Variants in HLA-DQB1 observed in about 807,000 individuals in gnomAD.
The protein encoded by HLA-DQB1 is HLA class II histocompatibility antigen, DQ beta 1 chain.
Under a neutral mutation model 26.4 loss-of-function variants are expected in HLA-DQB1, and 13 were observed. The ratio of observed to expected loss-of-function variants is 0.49; its 90% CI spans 0.32 to 0.78. HLA-DQB1 has a LOEUF of 0.78. HLA-DQB1 is among the 30% of genes least tolerant of loss of function. The pLI, the probability that HLA-DQB1 is intolerant of heterozygous loss-of-function variation, is 0.03. For synonymous variants in HLA-DQB1, 60 were observed against 129.1 expected (o/e 0.46, Z 3.63); for missense variants, 158 against 326.2 (o/e 0.48, Z 3.97).
chr6:32,660,529 G>C (rs9273499), intron 4 of HLA-DQB1: 10,584 of 319,150 alleles, frequency 0.033, 1,684 homozygotes, highest in East Asian at 0.22. Context: ...ATCTCTTCCC[G>C]ACCACTAGCA....
intron 1 of HLA-DQB1, among the ~76,000 whole-genome samples, chr6:32,665,985 G>T (rs281861273): frequency 7.6e-6 from 1 of 131,188 alleles, no homozygotes; most frequent in Non-Finnish European, 1.7e-5. Context: ...CCCTCTCTGT[G>T]GTCAGCCAGT....
At chr6:32,665,242 T>C (rs9274422) in intron 1 of HLA-DQB1, among the ~76,000 whole-genome samples, 175 bp from the exon 2 acceptor site, 85,729 of 115,574 alleles carry the variant, frequency 0.74, 34,253 homozygotes, top group East Asian at 0.9. Context: ...TCTGCCCGCC[T>C]TCTTTGCGGG....
At chr6:32,665,472 A>C (rs116485144) in intron 1 of HLA-DQB1, among the ~76,000 whole-genome samples, 27,729 of 117,576 alleles carry the variant, frequency 0.24, 4,673 homozygotes, top group South Asian at 0.28. Flanking sequence ...CGGAATGACG[A>C]GATAGGTCCA....
At chr6:32,663,415 G>GAAAGTATCAATTTGTCC (rs9282143) in intron 2 of HLA-DQB1, 1 of 126,710 alleles carries the variant, frequency 7.9e-6, no homozygotes, top group Non-Finnish European at 1.7e-5. Context: ...TTTCAATGCC[G>GAAAGTATCAATTTGTCC]CATTAACACA....
chr6:32,665,017 C>G, exon 2 of HLA-DQB1: 1 of 1,396,848 alleles, frequency 7.2e-7, no homozygotes. Context: ...CGCACGCGCT[C>G]CGTCCCGTTG....
intron 3 of HLA-DQB1, 166 bp from the exon 4 acceptor site, chr6:32,661,623 A>G (rs28724245): frequency 0.012 from 4,916 of 404,796 alleles, 93 homozygotes; most frequent in Middle Eastern, 0.019. Context: ...AGGTCCTTGG[A>G]TACAGTGAAT....
chr6:32,660,922 A>G (rs9273530), intron 4 of HLA-DQB1: 282,152 of 1,395,670 alleles, frequency 0.2, 31,529 homozygotes, highest in South Asian at 0.24. Context: ...CTCATTACAC[A>G]AACAGCCACT....
Position 32,661,137 on chromosome 6 carries a change from A to G in HLA-DQB1, c.772+210T>C, listed in dbSNP as rs35702610. Among the ~76,000 whole-genome samples, 2,425 of 120,258 alleles carry G rather than the reference A, an allele frequency of 0.02. 502 individuals are homozygous for G. In the East Asian group the frequency reaches 0.21, roughly 11 times the overall value. 78.9% of individuals were successfully genotyped at this position (120,258 alleles called of 152,430 possible). A position where few individuals can be genotyped will look rare whatever the true frequency, so the allele number is the denominator to read the frequency against. On this transcript the variant is annotated intron_variant, in intron 4 of 4. Coordinates refer to ENST00000434651, the Ensembl canonical transcript of HLA-DQB1. ...AGTGAGACAATGATGAATGGTAAGGATGCCCTGGAATAAGCTCTATCAGTC... is the reference window on the plus strand; with the variant it reads ...AGTGAGACAATGATGAATGGTAAGGGTGCCCTGGAATAAGCTCTATCAGTC...
intron 4 of HLA-DQB1, chr6:32,660,874 C>G (rs1194579938): frequency 6.6e-7 from 1 of 1,518,018 alleles, no homozygotes; most frequent in Non-Finnish European, 8.9e-7. Flanking sequence ...GGTGGAGGCC[C>G]TTGAGGTCTT....
chr6:32,663,836 G>A (rs281863184), intron 2 of HLA-DQB1: 1 of 136,300 alleles, frequency 7.3e-6, no homozygotes, highest in African/African-American at 2.7e-5. Flanking sequence ...TAATTTAATA[G>A]CTTCAACCTA....
At chr6:32,660,426 C>A in intron 4 of HLA-DQB1, 177 bp from the exon 5 acceptor site, 2 of 367,984 alleles carry the variant, frequency 5.4e-6, no homozygotes, top group Non-Finnish European at 4.9e-6. Context: ...GGACACAGAA[C>A]TTCAGCTTGA....
At chr6:32,666,407 A>G (rs9274510) in intron 1 of HLA-DQB1, 92 bp downstream of exon 1, 214,733 of 454,272 alleles carry the variant, frequency 0.47, 61,079 homozygotes, top group East Asian at 0.64. Context: ...GATTGTGTCC[A>G]AGATCATAGA....
chr6:32,665,311 G>C (rs281861854), intron 1 of HLA-DQB1, among the ~76,000 whole-genome samples: 2 of 135,154 alleles, frequency 1.5e-5, no homozygotes. Flanking sequence ...CCCTGCCTGA[G>C]CCTGTGAACC....
In HLA-DQB1 at chr6:32,666,652, C is replaced by T. The variant is rs371168889; in HGVS notation, c.-45G>A. On this transcript the variant is annotated 5_prime_UTR_variant, in exon 1 of 5. Transcript: ENST00000434651. ...GCAGTGGTAGTCAACACAGCTCGGA[C>T]CTGATGGATCTGATGTACCTGGCAG... 341 of 734,524 alleles carry T rather than the reference C, an allele frequency of 4.6e-4. 1 individual carries two copies. The highest frequency in any genetic ancestry group is 1.7e-3 in the Middle Eastern group (7 of 4,052). 45.5% of individuals were successfully genotyped at this position (734,524 alleles called of 1,614,324 possible). A position where few individuals can be genotyped will look rare whatever the true frequency, so the allele number is the denominator to read the frequency against.
At chr6:32,661,844 GC>G (rs370470191) in intron 3 of HLA-DQB1, 122 bp downstream of exon 3, 20,422 of 803,808 alleles carry the variant, frequency 0.025, 1,483 homozygotes, top group South Asian at 0.16. Flanking sequence ...AGCAAGAGGT[GC>G]TCTAGTCTCC....
intron 4 of HLA-DQB1, 32 bp downstream of exon 4, chr6:32,661,315 C>T: frequency 7.5e-7 from 1 of 1,336,842 alleles, no homozygotes; most frequent in South Asian, 1.2e-5. Context: ...GGGTCACAGC[C>T]CATCTTCCCC....
At chr6:32,663,250 T>G (rs281863441) in intron 2 of HLA-DQB1, 3 of 151,372 alleles carry the variant, frequency 2.0e-5, no homozygotes, top group African/African-American at 7.3e-5. Context: ...TAAAATAAAT[T>G]TTATGGAAAT....
chr6:32,662,167 A>C (rs756429843), exon 3 of HLA-DQB1: 2 of 1,413,402 alleles, frequency 1.4e-6, no homozygotes, highest in South Asian at 2.3e-5. Context: ...GCCTGGATAG[A>C]AATCTGTCAC....
chr6:32,660,315 C>A, intron 4 of HLA-DQB1, 66 bp from the exon 5 acceptor site: 1 of 816,186 alleles, frequency 1.2e-6, no homozygotes, highest in South Asian at 1.8e-5. Context: ...CTCCCCCACC[C>A]TTCAGGGGCC....
Sources: allele counts gnomAD v4.1 joint callset (sites outside exome capture counted in the v4.1 genomes callset), GRCh38; gene constraint gnomAD v4.1.1; transcripts MANE v1.5; gene names NCBI Gene and HGNC (gene_info 2026-07-23, HGNC 2026-07-21).